Variants in CAMK4 observed in about 807,000 individuals in gnomAD.
The protein encoded by CAMK4 is calcium/calmodulin-dependent protein kinase type IV.
Under a neutral mutation model 44.9 loss-of-function variants are expected in CAMK4, and 22 were observed. The observed-to-expected ratio is 0.49, with a 90% confidence interval of 0.35 to 0.70. The LOEUF is 0.70. CAMK4 is among the 30% of genes least tolerant of loss of function. The pLI is 0.01. For missense variants in CAMK4, 498 were observed against 586.8 expected (o/e 0.85, Z 1.56); for synonymous variants, 218 against 215.4 (o/e 1.01, Z -0.11).
chr5:111,493,486 T>C lies in CAMK4; in HGVS notation c.*9020T>C, dbSNP rs1041637835. On this transcript the variant is annotated 3_prime_UTR_variant, in exon 11 of 11. Transcript: ENST00000282356. The surrounding 1 kb of genome is among the most constrained non-coding windows in gnomAD (Gnocchi z 4.1). The stretch of plus-strand genomic sequence containing the variant: ...CGAATCAAGGTTATTGCTGACCTCA[T>C]TTTTTCAACCTTTTCAGTTATTTGA... 1.3e-5 allele frequency: 2 copies of C among 152,204 alleles called. No homozygotes were observed. The highest frequency in any genetic ancestry group is 2.1e-4 in the South Asian group (1 of 4,832). 9.4% of individuals were successfully genotyped at this position (152,204 alleles called of 1,614,324 possible). A position where few individuals can be genotyped will look rare whatever the true frequency, so the allele number is the denominator to read the frequency against.
intron 1 of CAMK4, among the ~76,000 whole-genome samples, chr5:111,298,547 C>CTT (rs1187195100): frequency 6.6e-6 from 1 of 152,124 alleles, no homozygotes; most frequent in Non-Finnish European, 1.5e-5. Flanking sequence ...CACTGTTCTC[C>CTT]CCACGTTGCC....
chr5:111,248,092 G>A (rs767950458), intron 1 of CAMK4, among the ~76,000 whole-genome samples: 1 of 151,956 alleles, frequency 6.6e-6, no homozygotes, highest in African/African-American at 2.4e-5. Flanking sequence ...ACTATAATTC[G>A]GTTCTATTTT....
chr5:111,483,012 G>T, intron 10 of CAMK4, 75 bp downstream of exon 10: 2 of 1,215,786 alleles, frequency 1.6e-6, no homozygotes, highest in South Asian at 3.8e-5. Flanking sequence ...ATCAATAATA[G>T]TTCTACCGTT....
intron 5 of CAMK4, among the ~76,000 whole-genome samples, chr5:111,407,245 A>G (rs1752468753): frequency 2.0e-5 from 3 of 151,576 alleles, no homozygotes; most frequent in Non-Finnish European, 2.9e-5. Context: ...CACCTACTCG[A>G]GAGGCTGAGG....
chr5:111,236,653 A>G (rs1256695146), intron 1 of CAMK4, among the ~76,000 whole-genome samples: 1 of 152,162 alleles, frequency 6.6e-6, no homozygotes, highest in African/African-American at 2.4e-5. Flanking sequence ...TGCCTCTCCT[A>G]TGAATCCCTC....
intron 5 of CAMK4, among the ~76,000 whole-genome samples, chr5:111,441,711 C>T (rs909674985): frequency 2.0e-5 from 3 of 152,014 alleles, no homozygotes; most frequent in Admixed American, 6.6e-5. Flanking sequence ...TTCTAGAATA[C>T]CCAGTTACCA....
chr5:111,422,407 G>A (rs1275646771), intron 5 of CAMK4, among the ~76,000 whole-genome samples: 2 of 152,142 alleles, frequency 1.3e-5, no homozygotes, highest in African/African-American at 4.8e-5. Context: ...ACTCAGAGAT[G>A]GGCCTTTGCA....
At chr5:111,258,934 C>T (rs1309932694) in intron 1 of CAMK4, among the ~76,000 whole-genome samples, 1 of 152,050 alleles carries the variant, frequency 6.6e-6, no homozygotes, top group African/African-American at 2.4e-5. Flanking sequence ...AGGAAAAACC[C>T]TTAAGGAAGT....
At chr5:111,418,722 T>C (rs576919784) in intron 5 of CAMK4, among the ~76,000 whole-genome samples, 1 of 152,232 alleles carries the variant, frequency 6.6e-6, no homozygotes, top group Non-Finnish European at 1.5e-5. Flanking sequence ...GATAGTTTAC[T>C]GAGAATGATG....
intron 4 of CAMK4, among the ~76,000 whole-genome samples, chr5:111,392,385 A>G (rs1580692416): frequency 6.6e-6 from 1 of 152,112 alleles, no homozygotes; most frequent in Non-Finnish European, 1.5e-5. Flanking sequence ...ATGGCAAGGG[A>G]GAAATCCTCC....
intron 1 of CAMK4, among the ~76,000 whole-genome samples, 177 bp from the exon 2 acceptor site, chr5:111,343,847 G>A (rs1027155086): frequency 4.9e-5 from 4 of 81,388 alleles, no homozygotes; most frequent in East Asian, 4.9e-4. Flanking sequence ...AGCAAACTGT[G>A]TTCAATTGTG....
chr5:111,276,773 T>G (rs1389792096), intron 1 of CAMK4, among the ~76,000 whole-genome samples: 1 of 152,040 alleles, frequency 6.6e-6, no homozygotes, highest in Non-Finnish European at 1.5e-5. Context: ...GCTTAAAGAG[T>G]TAGAAAATAG....
chr5:111,316,484 A>G (rs1748428982), intron 1 of CAMK4, among the ~76,000 whole-genome samples: 1 of 152,140 alleles, frequency 6.6e-6, no homozygotes, highest in South Asian at 2.1e-4. Context: ...TTTTTCTTTT[A>G]ACTCTGAGCT....
chr5:111,483,662 C>T (rs1755508373), intron 10 of CAMK4, among the ~76,000 whole-genome samples: 1 of 152,116 alleles, frequency 6.6e-6, no homozygotes, highest in African/African-American at 2.4e-5. Flanking sequence ...CTCTTATATC[C>T]CCATGATGAC....
At chr5:111,243,132 T>C (rs1749080275) in intron 1 of CAMK4, among the ~76,000 whole-genome samples, 1 of 152,090 alleles carries the variant, frequency 6.6e-6, no homozygotes, top group African/African-American at 2.4e-5. Flanking sequence ...TCAGGACCAT[T>C]GAATAGGGAC....
At chr5:111,379,268 C>T (rs1751327990) in intron 4 of CAMK4, among the ~76,000 whole-genome samples, 1 of 152,140 alleles carries the variant, frequency 6.6e-6, no homozygotes, top group Admixed American at 6.6e-5. Context: ...TGGGTTTCTC[C>T]TTCTCTTCTT....
intron 4 of CAMK4, among the ~76,000 whole-genome samples, chr5:111,391,432 G>A (rs1021056875): frequency 2.6e-5 from 4 of 152,050 alleles, no homozygotes; most frequent in African/African-American, 4.8e-5. Flanking sequence ...ATTATGGGAC[G>A]TGGATGGAGC....
intron 1 of CAMK4, among the ~76,000 whole-genome samples, chr5:111,239,316 T>C (rs954004393): frequency 2.6e-5 from 4 of 152,220 alleles, no homozygotes; most frequent in African/African-American, 9.6e-5. Flanking sequence ...TATTGGATTT[T>C]TTTTAACCTT....
chr5:111,236,211 T>TCC (rs1243578716), intron 1 of CAMK4, among the ~76,000 whole-genome samples: 1 of 152,216 alleles, frequency 6.6e-6, no homozygotes, highest in Admixed American at 6.5e-5. Context: ...AGATAATGAC[T>TCC]CCCACTTGTG....
Sources: allele counts gnomAD v4.1 joint callset (sites outside exome capture counted in the v4.1 genomes callset), GRCh38; gene constraint gnomAD v4.1.1; non-coding constraint Gnocchi (gnomAD v3.1); transcripts MANE v1.5; gene names NCBI Gene and HGNC (gene_info 2026-07-23, HGNC 2026-07-21).